Variants in COL3A1 observed in about 807,000 individuals in gnomAD.
COL3A1 encodes the protein collagen type III alpha 1 chain, also known as collagen alpha-1(III) chain.
In COL3A1, 46 loss-of-function variants were observed where a neutral mutation model predicts 200.9. The ratio of observed to expected loss-of-function variants is 0.23; its 90% CI spans 0.18 to 0.29. The LOEUF is 0.29. Among genes scored for constraint, COL3A1 ranks in the 10% least tolerant of loss-of-function variants. The pLI is 1.00. For missense variants in COL3A1, 1,367 were observed against 1,917.6 expected (o/e 0.71, Z 5.36); for synonymous variants, 650 against 628.0 (o/e 1.03, Z -0.52).
At chr2:188,976,042 C>A (rs1341065767) in intron 1 of COL3A1, among the ~76,000 whole-genome samples, 1 of 151,884 alleles carries the variant, frequency 6.6e-6, no homozygotes, top group East Asian at 1.9e-4. Context: ...CCTGAACTCT[C>A]AATCCTTCTT....
At chr2:188,993,063 T>G in intron 15 of COL3A1, 123 bp downstream of exon 15, 1 of 877,626 alleles carries the variant, frequency 1.1e-6, no homozygotes, top group Non-Finnish European at 1.9e-6. Context: ...TATACATGTC[T>G]TTAAAGCCCT....
At chr2:188,980,648 A>T (rs1192119222) in intron 1 of COL3A1, among the ~76,000 whole-genome samples, 2 of 150,950 alleles carry the variant, frequency 1.3e-5, no homozygotes, top group East Asian at 2.0e-4. Flanking sequence ...GTGCTTTTAA[A>T]TTAAAATTAT....
intron 1 of COL3A1, among the ~76,000 whole-genome samples, chr2:188,983,742 T>C (rs2056156): frequency 0.35 from 53,826 of 151,846 alleles, 11,442 homozygotes; most frequent in East Asian, 0.6. Context: ...TATAAATTAC[T>C]GAACAGTACA....
intron 4 of COL3A1, 127 bp from the exon 5 acceptor site, chr2:188,986,932 A>G: frequency 1.3e-6 from 1 of 773,798 alleles, no homozygotes; most frequent in Non-Finnish European, 2.3e-6. Context: ...GTGAATACAT[A>G]CCACATCTTT....
intron 47 of COL3A1, chr2:189,008,506 A>T (rs1201723319): frequency 1.3e-5 from 5 of 393,416 alleles, no homozygotes; most frequent in Non-Finnish European, 2.4e-5. Context: ...TTCCATGGTT[A>T]CTATTTTGTT....
rs1307961339 is a variant in COL3A1, at chr2:188,988,657, A to C, written c.636+14A>C. On this transcript the variant is annotated intron_variant, in intron 7 of 50. Coordinates refer to ENST00000304636, the MANE Select transcript of COL3A1 (RefSeq NM_000090.4). ...GCTGGTCCTTCAGTAAGTAACAATTAAATTTATATTTAGTAAGTCGATAAT... is the reference window on the plus strand; with the variant it reads ...GCTGGTCCTTCAGTAAGTAACAATTCAATTTATATTTAGTAAGTCGATAAT... The C allele has an allele frequency of 1.9e-6, 3 of 1,586,050 alleles. No individual in the cohort carries two copies. In the South Asian group the frequency reaches 3.3e-5, roughly 18 times the overall value.
chr2:188,995,811 G>A, intron 22 of COL3A1, 21 bp downstream of exon 22: 1 of 1,516,888 alleles, frequency 6.6e-7, no homozygotes, highest in Admixed American at 2.0e-5. Flanking sequence ...ACATTTGTTT[G>A]AATGACACTT....
intron 1 of COL3A1, among the ~76,000 whole-genome samples, chr2:188,976,990 T>C (rs1367534319): frequency 1.3e-5 from 2 of 152,082 alleles, no homozygotes; most frequent in Non-Finnish European, 2.9e-5. Context: ...TTAACACTGC[T>C]CTCCTAAGGA....
chr2:188,985,101 G>C, intron 2 of COL3A1, 96 bp from the exon 3 acceptor site: 1 of 1,437,974 alleles, frequency 7.0e-7, no homozygotes, highest in Admixed American at 1.7e-5. Context: ...AAAAGTGACC[G>C]TTTCAATTTA....
chr2:188,981,349 T>C (rs1687948728), intron 1 of COL3A1, among the ~76,000 whole-genome samples: 1 of 151,496 alleles, frequency 6.6e-6, no homozygotes, highest in African/African-American at 2.4e-5. Flanking sequence ...ATACATTGCT[T>C]GTGTGATCAC....
chr2:189,002,999 G>C lies in COL3A1; in HGVS notation c.2490G>C (p.Pro830=), dbSNP rs777361888. 4.6e-5 allele frequency: 72 copies of C among 1,551,640 alleles called. No homozygotes were observed. The highest frequency in any genetic ancestry group is 6.0e-5 in the Non-Finnish European group (69 of 1,147,058). ...GTGGTAAAGGAGAAAGAGGGGCTCC[G>C]GGTGAGAAAGGTGAAGGAGGCCCTC... The part of the protein sequence containing the change: ...EPGGKGERGA[P]GEKGEGGPPG... Residue 830 remains proline, a synonymous_variant, in exon 36 of 51, where the codon CCG becomes CCC. Transcript: ENST00000304636.
At position 188,988,473 on chromosome 2, in the gene COL3A1, A is replaced by T. The variant is rs1043480253; in HGVS notation, c.583-117A>T. 9.4e-6 allele frequency: 7 copies of T among 744,770 alleles called. No individual in the cohort carries two copies. The South Asian group carries it at 1.1e-4, about 12-fold the overall frequency. 46.1% of individuals were successfully genotyped at this position (744,770 alleles called of 1,614,324 possible). ...AAAATAATTTGGTCTCAATATTTAT[A>T]AACTGGAGTAAAATTTGCTGATTAC... On this transcript the variant is annotated intron_variant, in intron 6 of 50. Transcript: ENST00000304636.
Position 189,004,009 on chromosome 2 carries a change from G to A in COL3A1, c.2689G>A (p.Gly897Ser), listed in dbSNP as rs794728054. 1.2e-6 allele frequency: 2 copies of A among 1,612,416 alleles called. No homozygotes were observed. The highest frequency in any genetic ancestry group is 1.7e-6 in the Non-Finnish European group (2 of 1,179,720). The change falls in exon 39 of 51, where the codon GGT becomes AGT. Residue 897 changes from glycine to serine, a missense_variant. Coordinates refer to ENST00000304636, the MANE Select transcript of COL3A1 (RefSeq NM_000090.4). ...NGNPGPPGPS[G>S]SPGKDGPPGP... ...TAACCCAGGACCCCCAGGTCCCAGC[G>A]GTTCTCCAGGCAAGGATGGGCCCCC...
chr2:188,974,621 C>T, intron 1 of COL3A1, 53 bp downstream of exon 1: 1 of 1,452,534 alleles, frequency 6.9e-7, no homozygotes, highest in Non-Finnish European at 9.7e-7. Context: ...CTTTCTTCTC[C>T]TCACAAAGAG....
chr2:188,994,096 A>T lies in COL3A1; in HGVS notation c.1194+14A>T. ...AAAGGCGAAATGGTAAGCTGTCCCC[A>T]CTCCTCAGCCTTATCTCATCCACAC... On this transcript the variant is annotated intron_variant, in intron 17 of 50. Coordinates refer to ENST00000304636, the MANE Select transcript of COL3A1 (RefSeq NM_000090.4). The surrounding 1 kb of genome is among the most constrained non-coding windows in gnomAD (Gnocchi z 4.5). 1 of 1,613,946 alleles carries T rather than the reference A, an allele frequency of 6.2e-7. No homozygotes were observed. Among genetic ancestry groups the T allele is most frequent in the African/African-American group, 1.3e-5 (1 of 74,982 alleles).
At chr2:189,005,573 CTA>C (rs1427582913) in intron 41 of COL3A1, 116 bp downstream of exon 41, 1 of 813,970 alleles carries the variant, frequency 1.2e-6, no homozygotes, top group East Asian at 2.6e-5. Context: ...CAAAGTTCTT[CTA>C]TCTCTAATAA....
intron 32 of COL3A1, 79 bp downstream of exon 32, chr2:188,999,974 T>C (rs1688421252): frequency 1.4e-6 from 2 of 1,394,620 alleles, no homozygotes; most frequent in African/African-American, 1.4e-5. Context: ...TTTAATTTTT[T>C]CCAAAAACTA....
rs1243317401 is a variant in COL3A1, at chr2:189,008,094, C to T, written c.3477C>T (p.Pro1159=). Residue 1159 remains proline (P), a synonymous_variant, in exon 47 of 51, where the codon CCC becomes CCT. Transcript: ENST00000304636. ...ATGGAACCAGTGGACATCCAGGTCC[C>T]ATTGGACCACCAGGGCCTCGAGGTA... ...GKDGTSGHPG[P]IGPPGPRGNR... 1.9e-6 allele frequency: 3 copies of T among 1,613,838 alleles called. No individual in the cohort carries two copies. In the Admixed American group the frequency reaches 5.0e-5, roughly 27 times the overall value.
At chr2:189,000,869 A>G (rs775112150) in intron 32 of COL3A1, among the ~76,000 whole-genome samples, 1 of 152,218 alleles carries the variant, frequency 6.6e-6, no homozygotes, top group Non-Finnish European at 1.5e-5. Context: ...ATAAATTTAT[A>G]TAATAGTTGC....
Sources: gnomAD v4.1 joint callset for allele counts (sites outside exome capture counted in the v4.1 genomes callset) on GRCh38, gnomAD v4.1.1 for gene constraint, Gnocchi (gnomAD v3.1) non-coding constraint, MANE v1.5 for transcripts, NCBI Gene and HGNC (gene_info 2026-07-23, HGNC 2026-07-21) for gene names.